Variants in SLC44A5 observed in about 807,000 individuals in gnomAD.
The protein encoded by SLC44A5 is solute carrier family 44 member 5.
Under a neutral mutation model 101.8 loss-of-function variants are expected in SLC44A5, and 57 were observed. That is an observed-to-expected ratio of 0.56 (90% CI 0.45 to 0.70). SLC44A5 has a LOEUF of 0.70. SLC44A5 is among the 30% of genes least tolerant of loss of function. The pLI is 0.00. For missense variants in SLC44A5, 737 were observed against 853.1 expected (o/e 0.86, Z 1.70); for synonymous variants, 281 against 290.9 (o/e 0.97, Z 0.35).
At chr1:75,669,403 T>C in the SLC44A5 span, among the ~76,000 whole-genome samples, 2 of 152,138 alleles carry the variant, frequency 1.3e-5, no homozygotes, top group African/African-American at 4.8e-5. Context: ...AAACAAACTT[T>C]AGTCAAAGGC....
At chr1:75,277,207 T>C (rs916282620) in intron 5 of SLC44A5, among the ~76,000 whole-genome samples, 5 of 152,146 alleles carry the variant, frequency 3.3e-5, no homozygotes, top group Non-Finnish European at 7.4e-5. Context: ...GATTTGGACA[T>C]GTGGCTGGAA....
At chr1:75,479,103 A>C (rs1196250356) in intron 2 of SLC44A5, among the ~76,000 whole-genome samples, 1 of 152,230 alleles carries the variant, frequency 6.6e-6, no homozygotes, top group African/African-American at 2.4e-5. Flanking sequence ...AATCTCACTC[A>C]AAACCGCTCA....
At chr1:75,601,745 A>G (rs755763091) in intron 1 of SLC44A5, among the ~76,000 whole-genome samples, 31 of 152,142 alleles carry the variant, frequency 2.0e-4, no homozygotes, top group Non-Finnish European at 4.0e-4. Flanking sequence ...ATCTTTATTT[A>G]GAAAATCTCT....
the SLC44A5 span, among the ~76,000 whole-genome samples, chr1:75,657,595 G>T: frequency 6.7e-6 from 1 of 148,884 alleles, no homozygotes. Flanking sequence ...TCCATAAAAA[G>T]GGAAATTTTT....
At chr1:75,507,038 A>AGAATG (rs1003834554) in intron 2 of SLC44A5, among the ~76,000 whole-genome samples, 1 of 149,304 alleles carries the variant, frequency 6.7e-6, no homozygotes, top group Non-Finnish European at 1.5e-5. Context: ...CCTTCCAAGT[A>AGAATG]GAATGGAACC....
At chr1:75,224,733 G>T (rs1411517001) in intron 13 of SLC44A5, among the ~76,000 whole-genome samples, 2 of 151,316 alleles carry the variant, frequency 1.3e-5, no homozygotes, top group African/African-American at 4.9e-5. Flanking sequence ...ACCACACCTG[G>T]CCTGTGCCTC....
At chr1:75,608,220 C>T (rs1675440672) in intron 1 of SLC44A5, among the ~76,000 whole-genome samples, 1 of 151,396 alleles carries the variant, frequency 6.6e-6, no homozygotes, top group Non-Finnish European at 1.5e-5. Flanking sequence ...AACAAATAAC[C>T]CAACTTAAAA....
chr1:75,285,729 A>C (rs936862132), intron 5 of SLC44A5, among the ~76,000 whole-genome samples: 1 of 152,100 alleles, frequency 6.6e-6, no homozygotes, highest in African/African-American at 2.4e-5. Flanking sequence ...TTGTTGACCC[A>C]ATAATAATTC....
intron 2 of SLC44A5, among the ~76,000 whole-genome samples, chr1:75,532,203 T>C (rs1053270975): frequency 6.6e-6 from 1 of 152,194 alleles, no homozygotes; most frequent in African/African-American, 2.4e-5. Flanking sequence ...TGACTGCTGA[T>C]ACCTCTTTCA....
intron 1 of SLC44A5, among the ~76,000 whole-genome samples, chr1:75,555,759 T>A (rs553197381): frequency 2.0e-5 from 3 of 152,204 alleles, no homozygotes; most frequent in African/African-American, 7.2e-5. Flanking sequence ...TCCACTAGAC[T>A]TATGGACAAA....
chr1:75,308,234 T>C (rs1304523740), intron 4 of SLC44A5, among the ~76,000 whole-genome samples: 2 of 152,214 alleles, frequency 1.3e-5, no homozygotes, highest in African/African-American at 4.8e-5. Flanking sequence ...GTAGCTGCTT[T>C]AGTTAGTTCT....
At chr1:75,232,594 C>T (rs1247321949) in intron 12 of SLC44A5, among the ~76,000 whole-genome samples, 1 of 152,080 alleles carries the variant, frequency 6.6e-6, no homozygotes, top group Non-Finnish European at 1.5e-5. Context: ...AGATAGGGAA[C>T]ACCTGAGAAG....
chr1:75,215,679 T>C (rs1646946402), intron 19 of SLC44A5, 75 bp downstream of exon 19: 2 of 837,296 alleles, frequency 2.4e-6, no homozygotes, highest in Admixed American at 2.0e-5. Flanking sequence ...AAAAGTACTT[T>C]AGAGAGGGCA....
chr1:75,268,807 C>T (rs931320147), intron 6 of SLC44A5, among the ~76,000 whole-genome samples: 3 of 151,956 alleles, frequency 2.0e-5, no homozygotes, highest in Admixed American at 1.3e-4. Context: ...ATATCTCTAC[C>T]CAATAATTAA....
intron 5 of SLC44A5, among the ~76,000 whole-genome samples, chr1:75,279,507 T>C (rs1036218563): frequency 6.6e-6 from 1 of 152,172 alleles, no homozygotes; most frequent in African/African-American, 2.4e-5. Context: ...TGTGCCTACA[T>C]TCCTAACCAT....
intron 3 of SLC44A5, among the ~76,000 whole-genome samples, chr1:75,395,441 A>G (rs576877825): frequency 6.6e-6 from 1 of 152,264 alleles, no homozygotes; most frequent in East Asian, 1.9e-4. Flanking sequence ...AGCCTCTACA[A>G]AAGTTTCTAT....
the SLC44A5 span, among the ~76,000 whole-genome samples, chr1:75,638,063 G>A: frequency 1.3e-5 from 2 of 151,866 alleles, no homozygotes; most frequent in African/African-American, 2.4e-5. Flanking sequence ...TATTATAATT[G>A]TGTAATAATA....
At chr1:75,476,411 G>C (rs2101749142) in intron 2 of SLC44A5, among the ~76,000 whole-genome samples, 1 of 152,290 alleles carries the variant, frequency 6.6e-6, no homozygotes, top group African/African-American at 2.4e-5. Flanking sequence ...AGGACAGTGG[G>C]TGCAGCGCAC....
chr1:75,409,064 G>A (rs1182822065), intron 2 of SLC44A5, among the ~76,000 whole-genome samples: 1 of 152,112 alleles, frequency 6.6e-6, no homozygotes, highest in Non-Finnish European at 1.5e-5. Flanking sequence ...TGCAGCTGGA[G>A]GCCATTATCC....
Sources: allele counts gnomAD v4.1 joint callset (sites outside exome capture counted in the v4.1 genomes callset), GRCh38; gene constraint gnomAD v4.1.1; transcripts MANE v1.5; gene names NCBI Gene and HGNC (gene_info 2026-07-23, HGNC 2026-07-21).